Variants in NFRKB observed in about 807,000 individuals in gnomAD.
NFRKB encodes the protein nuclear factor related to kappa-B-binding protein.
Under a neutral mutation model 135.7 loss-of-function variants are expected in NFRKB, and 62 were observed. That is an observed-to-expected ratio of 0.46 (90% CI 0.37 to 0.56). The LOEUF (loss-of-function observed/expected upper bound fraction) is 0.56. NFRKB is among the 20% of genes least tolerant of loss of function. The pLI is 0.00. For synonymous variants in NFRKB, 678 were observed against 635.6 expected (o/e 1.07, Z -1.00); for missense variants, 1,545 against 1,662.0 (o/e 0.93, Z 1.22).
At chr11:129,868,665 C>A (rs904584508) in intron 24 of NFRKB, among the ~76,000 whole-genome samples, 4 of 152,168 alleles carry the variant, frequency 2.6e-5, no homozygotes, top group African/African-American at 9.7e-5. Flanking sequence ...CTACCGGTTA[C>A]TACACCATTC....
At position 129,886,584 on chromosome 11, in the gene NFRKB, A is replaced by G. The variant is rs1038122964; in HGVS notation, c.338-140T>C. 3.8e-6 allele frequency: 3 copies of G among 788,526 alleles called. No individual in the cohort carries two copies. The African/African-American group carries it at 5.2e-5, about 14-fold the overall frequency. 48.8% of individuals were successfully genotyped at this position (788,526 alleles called of 1,614,324 possible). On this transcript the variant is annotated intron_variant, in intron 4 of 26. Transcript: ENST00000682444. ...GAAAAGTGAACATTTAAGAGAATCA[A>G]GAAGGAGAACCAAAAGTAAAAGCGT...
chr11:129,878,400 T>C, intron 14 of NFRKB, 45 bp from the exon 15 acceptor site: 1 of 1,613,512 alleles, frequency 6.2e-7, no homozygotes, highest in Non-Finnish European at 8.5e-7. Flanking sequence ...CTAAAGAATT[T>C]GGGCAAACTT....
At chr11:129,889,892 G>A (rs1275513992) in intron 3 of NFRKB, among the ~76,000 whole-genome samples, 1 of 151,330 alleles carries the variant, frequency 6.6e-6, no homozygotes, top group Non-Finnish European at 1.5e-5. Context: ...GGGCTTCAGT[G>A]GTCTTAGTAG....
At chr11:129,869,237 G>C (rs189102330) in intron 24 of NFRKB, among the ~76,000 whole-genome samples, 2 of 152,202 alleles carry the variant, frequency 1.3e-5, no homozygotes, top group East Asian at 1.9e-4. Flanking sequence ...AAGAATGTAT[G>C]CAAGTATCAT....
At position 129,884,740 on chromosome 11, in the gene NFRKB, C is replaced by T; in HGVS notation, c.742+5G>A. On this transcript the variant is annotated splice_donor_5th_base_variant and intron_variant, in intron 7 of 26. Transcript: ENST00000682444. ...GAATGGTGACAGCGGCAGCTTGGTT[C>T]TCACCTGCAGTTTTCATATCCGTGG... 6.2e-7 allele frequency: 1 copy of T among 1,613,524 alleles called. No individual in the cohort carries two copies. Among genetic ancestry groups the T allele is most frequent in the Middle Eastern group, 1.8e-4 (1 of 5,620 alleles).
chr11:129,890,038 T>TG (rs1555094379), intron 3 of NFRKB, among the ~76,000 whole-genome samples: 10 of 150,626 alleles, frequency 6.6e-5, no homozygotes, highest in Non-Finnish European at 1.2e-4. Flanking sequence ...TGTTTTTTTT[T>TG]TTTGTTTTTT....
At chr11:129,890,021 G>GT (rs944151532) in intron 3 of NFRKB, among the ~76,000 whole-genome samples, 19 of 98,842 alleles carry the variant, frequency 1.9e-4, no homozygotes, top group African/African-American at 5.8e-4. Flanking sequence ...TACTTTTTGG[G>GT]TTTTTTTGTT....
In NFRKB at chr11:129,874,913, T is replaced by C; in HGVS notation, c.1858A>G (p.Asn620Asp). Residue 620 changes from asparagine to aspartate, a missense_variant, in exon 19 of 27, where the codon AAT (asparagine) becomes GAT (aspartate). Around this residue, in one of 3 missense-constraint regions of NFRKB, gnomAD observed 114 missense variants for 211.0 expected, o/e 0.54. Coordinates refer to ENST00000682444, the MANE Select transcript of NFRKB (RefSeq NM_001143835.2). This position sits in a 1 kb window ranked among gnomAD's most constrained non-coding sequence, Gnocchi z 4.5. ...TCCAGTGCACCACTCACTACTGTAT[T>C]TACCTACAAATCAGACAAAGGGAAA... Reference protein sequence around the residue: ...LAPDVTSTQVNTVVSGALDRL... With the variant: ...LAPDVTSTQVDTVVSGALDRL... 1 of 1,614,138 alleles carries C rather than the reference T, an allele frequency of 6.2e-7. No homozygotes were observed.
At chr11:129,877,518 G>C in intron 15 of NFRKB, 133 bp from the exon 16 acceptor site, 1 of 815,406 alleles carries the variant, frequency 1.2e-6, no homozygotes, top group East Asian at 2.4e-5. Flanking sequence ...TTACAAAGGC[G>C]AAGAGCCCAC....
intron 16 of NFRKB, 114 bp from the exon 17 acceptor site, chr11:129,877,009 T>C: frequency 9.7e-7 from 1 of 1,029,828 alleles, no homozygotes; most frequent in Non-Finnish European, 1.4e-6. Context: ...AAGGAACAAG[T>C]GATTCTATGA....
In NFRKB at chr11:129,866,370, G is replaced by C. The variant is rs548585250; in HGVS notation, c.3532-387C>G. On this transcript the variant is annotated intron_variant, in intron 24 of 26. Coordinates refer to ENST00000682444, the MANE Select transcript of NFRKB (RefSeq NM_001143835.2). ...ATCCCTCAGTACATGGCACAGTGCT[G>C]GGCACACAATCACTATTTGGTGAAA... Among the ~76,000 whole-genome samples the C allele has an allele frequency of 8.5e-5, 13 of 152,066 alleles. No homozygotes were observed. The South Asian group carries it at 2.7e-3, about 32-fold the overall frequency.
intron 15 of NFRKB, among the ~76,000 whole-genome samples, chr11:129,878,056 A>C (rs562127746): frequency 1.3e-5 from 2 of 152,270 alleles, no homozygotes; most frequent in East Asian, 3.9e-4. Flanking sequence ...ACATTAAAAA[A>C]GTATGTCCAC....
chr11:129,892,710 C>T lies in NFRKB; in HGVS notation c.135+5G>A. The stretch of plus-strand genomic sequence containing the variant: ...GGAAAAGGTCACAACCGTGTTACTA[C>T]TCACATCCTCCAGAAGGTCCTCGGG... On this transcript the variant is annotated splice_donor_5th_base_variant and intron_variant, in intron 3 of 26. Transcript: ENST00000682444. 6.2e-7 allele frequency: 1 copy of T among 1,613,370 alleles called. No homozygotes were observed. Among genetic ancestry groups the T allele is most frequent in the Non-Finnish European group, 8.5e-7 (1 of 1,179,986 alleles).
At position 129,868,022 on chromosome 11, in the gene NFRKB, A is replaced by T. The variant is rs55770458; in HGVS notation, c.3531+1472T>A. Among the ~76,000 whole-genome samples, 1,463 of 151,324 alleles carry T rather than the reference A, an allele frequency of 9.7e-3. 29 individuals carry two copies. The highest frequency in any genetic ancestry group is 0.033 in the African/African-American group (1,354 of 41,112). Reference sequence around the variant, plus strand: ...ATTAACAATTATACTTTTTTTTTTTAAAACTCAAGGTATTTTATGATCCTG... The same window carrying T: ...ATTAACAATTATACTTTTTTTTTTTTAAACTCAAGGTATTTTATGATCCTG... On this transcript the variant is annotated intron_variant, in intron 24 of 26. Coordinates refer to ENST00000682444, the MANE Select transcript of NFRKB (RefSeq NM_001143835.2).
intron 15 of NFRKB, among the ~76,000 whole-genome samples, chr11:129,877,903 C>A (rs534735076): frequency 2.0e-5 from 3 of 152,256 alleles, no homozygotes; most frequent in East Asian, 3.9e-4. Context: ...TATAAAGAGC[C>A]TAGGACTAAG....
rs73033226 is a variant in NFRKB at position 129,879,379 on chromosome 11, C to T, written c.1385-836G>A. On this transcript the variant is annotated intron_variant, in intron 13 of 26. Transcript: ENST00000682444. ...TCTGCCAGGCCCAGGTATATGTGCTCCCTCCATGGCTACTGCAGCCTGACA... is the reference window on the plus strand; with the variant it reads ...TCTGCCAGGCCCAGGTATATGTGCTTCCTCCATGGCTACTGCAGCCTGACA... 2.8e-3 allele frequency among the ~76,000 whole-genome samples: 420 copies of T among 152,234 alleles called. 1 individual carries two copies. The highest frequency in any genetic ancestry group is 5.0e-3 in the Non-Finnish European group (342 of 68,006).
chr11:129,867,147 T>TC (rs1318110862), intron 24 of NFRKB, among the ~76,000 whole-genome samples: 3 of 152,130 alleles, frequency 2.0e-5, no homozygotes, highest in Admixed American at 6.5e-5. Flanking sequence ...CATCAATACT[T>TC]CCTGCCCCAC....
intron 6 of NFRKB, 86 bp from the exon 7 acceptor site, chr11:129,884,932 A>G (rs1048500356): frequency 6.2e-7 from 1 of 1,602,600 alleles, no homozygotes; most frequent in Non-Finnish European, 8.5e-7. Flanking sequence ...TGGGTTCAAC[A>G]AGGCTAAGCC....
chr11:129,888,516 G>C (rs1949388661), intron 4 of NFRKB, 78 bp downstream of exon 4: 8 of 1,345,546 alleles, frequency 5.9e-6, no homozygotes, highest in African/African-American at 2.9e-5. Context: ...AGAAGAAAAG[G>C]AAGAAAGGAA....
Sources: allele counts gnomAD v4.1 joint callset (sites outside exome capture counted in the v4.1 genomes callset), GRCh38; gene constraint gnomAD v4.1.1; regional missense constraint gnomAD v4.1.1; non-coding constraint Gnocchi (gnomAD v3.1); transcripts MANE v1.5; gene names NCBI Gene and HGNC (gene_info 2026-07-23, HGNC 2026-07-21).